The following MMP26 variants were observed in gnomAD, a reference collection of about 807,000 sequenced individuals.
The protein encoded by MMP26 is matrix metallopeptidase 26.
Under a neutral mutation model 31.0 loss-of-function variants are expected in MMP26, and 33 were observed. That is an observed-to-expected ratio of 1.06 (90% CI 0.81 to 1.42). MMP26 has a LOEUF of 1.42. MMP26 is among the 40% of genes most tolerant of loss of function. The probability of loss-of-function intolerance (pLI) is 0.00; values close to 1 mark genes in which losing one functional copy is unlikely to be tolerated. For missense variants in MMP26, 347 were observed against 316.1 expected, an observed-to-expected ratio of 1.10 and a Z score of -0.74; for synonymous variants, 122 against 114.9, an observed-to-expected ratio of 1.06 and a Z score of -0.40.
chr11:4,867,575 G>A (rs188907538), intron 2 of MMP26, among the ~76,000 whole-genome samples: 1 of 152,014 alleles, frequency 6.6e-6, no homozygotes, highest in Non-Finnish European at 1.5e-5. Context: ...ATTTTTAGTA[G>A]AGATGGGGTT....
chr11:4,797,461 C>T (rs1354523337), intron 2 of MMP26, among the ~76,000 whole-genome samples: 1 of 152,170 alleles, frequency 6.6e-6, no homozygotes, highest in East Asian at 1.9e-4. Context: ...CCCACACCTT[C>T]CTGCTGCAGA....
intron 2 of MMP26, chr11:4,769,544 T>C (rs1430384319): frequency 6.2e-7 from 1 of 1,613,566 alleles, no homozygotes; most frequent in South Asian, 1.1e-5. Context: ...GATGGCCACA[T>C]AACGGTCAAA....
Position 4,955,440 on chromosome 11 carries a change from G to A in MMP26, c.-144-32628G>A, listed in dbSNP as rs1410426696. 1.2e-5 allele frequency: 14 copies of A among 1,179,448 alleles called. 3 individuals are homozygous for A. In the South Asian group the frequency reaches 1.8e-4, roughly 15 times the overall value. 73.1% of individuals were successfully genotyped at this position (1,179,448 alleles called of 1,614,324 possible). ...AAGCAGGCACTAGAAGAAGTTTCAG[G>A]GGCATTGAACAGGAAGATGCTTAAC... On this transcript the variant is annotated intron_variant, in intron 2 of 7. Transcript: ENST00000380390.
chr11:4,960,016 C>G (rs1178183352), intron 2 of MMP26, among the ~76,000 whole-genome samples: 1 of 152,116 alleles, frequency 6.6e-6, no homozygotes, highest in East Asian at 1.9e-4. Flanking sequence ...AATTTTTTCA[C>G]TGAATTTCAT....
intron 1 of MMP26, among the ~76,000 whole-genome samples, chr11:4,726,613 C>T (rs539337177): frequency 2.4e-4 from 37 of 152,292 alleles, no homozygotes; most frequent in Middle Eastern, 3.4e-3. Flanking sequence ...TACTTGTAGC[C>T]AGCTTTAGCT....
At chr11:4,775,194 T>A (rs4910677) in intron 2 of MMP26, among the ~76,000 whole-genome samples, 14,448 of 152,290 alleles carry the variant, frequency 0.095, 853 homozygotes, top group Middle Eastern at 0.15. Context: ...GGGAATAGCA[T>A]TGAATCTATA....
At chr11:4,829,308 CT>C (rs1475282466) in intron 2 of MMP26, among the ~76,000 whole-genome samples, 45 of 152,152 alleles carry the variant, frequency 3.0e-4, no homozygotes. Flanking sequence ...CCTGTCCTAA[CT>C]GATTACTACA....
intron 2 of MMP26, among the ~76,000 whole-genome samples, chr11:4,828,594 G>T (rs1159005396): frequency 6.6e-6 from 1 of 152,100 alleles, no homozygotes; most frequent in Non-Finnish European, 1.5e-5. Context: ...ATCAGAAAAG[G>T]TATTTTCCTA....
At chr11:4,923,366 A>G in intron 2 of MMP26, 1 of 1,526,716 alleles carries the variant, frequency 6.6e-7, no homozygotes, top group South Asian at 1.3e-5. Flanking sequence ...TCCTCTCTTT[A>G]CTCTAACTTA....
At chr11:4,983,991 G>A (rs553660321) in intron 2 of MMP26, among the ~76,000 whole-genome samples, 14 of 152,134 alleles carry the variant, frequency 9.2e-5, no homozygotes, top group Admixed American at 3.9e-4. Flanking sequence ...TCGTTAATAA[G>A]TCACTCATTT....
chr11:4,899,165 C>T (rs1183492982), intron 2 of MMP26, among the ~76,000 whole-genome samples: 1 of 152,076 alleles, frequency 6.6e-6, no homozygotes, highest in East Asian at 1.9e-4. Flanking sequence ...CCATAGCAGC[C>T]CCAAATTCAG....
At chr11:4,923,515 G>T (rs140929721) in intron 2 of MMP26, 1 of 1,614,028 alleles carries the variant, frequency 6.2e-7, no homozygotes, top group Non-Finnish European at 8.5e-7. Context: ...ACATGAAGAG[G>T]TGTACAACGC....
chr11:4,960,844 A>G (rs972921528), intron 2 of MMP26, among the ~76,000 whole-genome samples: 1 of 152,190 alleles, frequency 6.6e-6, no homozygotes, highest in African/African-American at 2.4e-5. Context: ...TAATAATGAC[A>G]TACATATTTT....
chr11:4,730,404 A>AAGAGAGAAAG (rs1848158138), intron 1 of MMP26, among the ~76,000 whole-genome samples: 2 of 144,952 alleles, frequency 1.4e-5, no homozygotes, highest in Non-Finnish European at 3.0e-5. Flanking sequence ...GTTTCTGGGA[A>AAGAGAGAAAG]AGAGAGAGAG....
intron 2 of MMP26, among the ~76,000 whole-genome samples, chr11:4,771,042 C>A (rs1049684862): frequency 1.3e-5 from 2 of 151,950 alleles, no homozygotes; most frequent in East Asian, 3.9e-4. Flanking sequence ...AGTGGAGGTA[C>A]GGTTTATTTT....
chr11:4,815,427 T>C (rs983936006), intron 2 of MMP26, among the ~76,000 whole-genome samples: 1 of 152,224 alleles, frequency 6.6e-6, no homozygotes, highest in Non-Finnish European at 1.5e-5. Flanking sequence ...CTTTTTATAC[T>C]TAGTAGCTAA....
intron 2 of MMP26, chr11:4,786,742 A>G (rs12808215): frequency 0.095 from 14,455 of 152,322 alleles, 859 homozygotes; most frequent in Middle Eastern, 0.15. Flanking sequence ...GGTACTAACT[A>G]ACCAGCTCAC....
chr11:4,907,103 A>AAAAAAAAAAAAAG (rs1451336779), intron 2 of MMP26, among the ~76,000 whole-genome samples: 1 of 150,482 alleles, frequency 6.6e-6, no homozygotes, highest in Non-Finnish European at 1.5e-5. Flanking sequence ...TCTAAAAAAA[A>AAAAAAAAAAAAAG]AAAAAAAAAA....
intron 2 of MMP26, among the ~76,000 whole-genome samples, chr11:4,844,952 T>C (rs1297802856): frequency 6.6e-6 from 1 of 152,028 alleles, no homozygotes; most frequent in Non-Finnish European, 1.5e-5. Flanking sequence ...AATGGAAAAA[T>C]TCAGATTATT....
Sources: allele counts gnomAD v4.1 joint callset (sites outside exome capture counted in the v4.1 genomes callset), GRCh38; gene constraint gnomAD v4.1.1; transcripts MANE v1.5; gene names NCBI Gene and HGNC (gene_info 2026-07-23, HGNC 2026-07-21).